PTPRN2: variants seen among roughly 807,000 people sequenced by gnomAD.
The protein encoded by PTPRN2 is receptor-type tyrosine-protein phosphatase N2.
In PTPRN2, 74 loss-of-function variants were observed where a neutral mutation model predicts 118.8. The observed-to-expected ratio is 0.62, with a 90% CI of 0.52 to 0.76. PTPRN2 has a LOEUF of 0.76. Among genes scored for constraint, PTPRN2 ranks in the 30% least tolerant of loss-of-function variants. The probability of loss-of-function intolerance (pLI) is 0.00; values close to 1 mark genes in which losing one functional copy is unlikely to be tolerated. For synonymous variants in PTPRN2, 641 were observed against 608.0 expected (o/e 1.05, Z -0.80); for missense variants, 1,481 against 1,394.4 (o/e 1.06, Z -0.99).
chr7:157,750,124 A>G (rs546938476), intron 12 of PTPRN2, among the ~76,000 whole-genome samples: 71 of 152,142 alleles, frequency 4.7e-4, no homozygotes, highest in Admixed American at 2.8e-3. Context: ...GGCCTGCAAC[A>G]TAGCACGTGG....
chr7:158,001,574 C>T (rs1047260217), intron 11 of PTPRN2, among the ~76,000 whole-genome samples: 1 of 152,018 alleles, frequency 6.6e-6, no homozygotes, highest in Non-Finnish European at 1.5e-5. Flanking sequence ...GGGAGGGCGG[C>T]ACTTCAGCCT....
chr7:158,126,994 A>G (rs1414529336), intron 9 of PTPRN2, among the ~76,000 whole-genome samples: 3 of 152,222 alleles, frequency 2.0e-5, no homozygotes, highest in East Asian at 3.9e-4. Flanking sequence ...ACCATCTGCC[A>G]TTTTGCTGCT....
At chr7:157,549,507 C>T (rs1277273862) in intron 21 of PTPRN2, among the ~76,000 whole-genome samples, 1 of 152,034 alleles carries the variant, frequency 6.6e-6, no homozygotes, top group African/African-American at 2.4e-5. Flanking sequence ...TTTTTAAACT[C>T]AAATGTTCCA....
At chr7:158,449,772 C>T (rs913020450) in intron 2 of PTPRN2, among the ~76,000 whole-genome samples, 7 of 152,202 alleles carry the variant, frequency 4.6e-5, no homozygotes, top group Admixed American at 3.3e-4. Context: ...CACTGGTGAC[C>T]CTTAGTTCAT....
At chr7:157,847,922 G>A (rs1378680001) in intron 12 of PTPRN2, among the ~76,000 whole-genome samples, 1 of 149,626 alleles carries the variant, frequency 6.7e-6, no homozygotes, top group African/African-American at 2.5e-5. Flanking sequence ...TACATCATGT[G>A]TGCCCGATGT....
chr7:157,879,588 A>T (rs567813760), intron 12 of PTPRN2, among the ~76,000 whole-genome samples: 2 of 150,480 alleles, frequency 1.3e-5, no homozygotes, highest in South Asian at 2.1e-4. Flanking sequence ...ATGAAATCAT[A>T]TTTTTTTTTT....
intron 5 of PTPRN2, among the ~76,000 whole-genome samples, chr7:158,188,189 T>TGGGGAAGGCCGCCACGCTCGCCCCCTGTA (rs1563576366): frequency 4.8e-5 from 3 of 62,296 alleles, no homozygotes; most frequent in Admixed American, 3.6e-4. Flanking sequence ...CGCCCCGCGA[T>TGGGGAAGGCCGCCACGCTCGCCCCCTGTA]GGGGAAGGCC....
chr7:157,561,797 TA>T (rs1799204806), intron 21 of PTPRN2, among the ~76,000 whole-genome samples: 1 of 152,238 alleles, frequency 6.6e-6, no homozygotes. Context: ...ACAGACTCCT[TA>T]CCTGTCTCTC....
intron 11 of PTPRN2, among the ~76,000 whole-genome samples, chr7:157,966,342 CCAT>C (rs758542725): frequency 1.6e-4 from 25 of 152,072 alleles, no homozygotes; most frequent in Middle Eastern, 3.4e-3. Flanking sequence ...TTCACCACCA[CCAT>C]CATTTTCATT....
chr7:157,959,159 A>G (rs1025192296), intron 11 of PTPRN2, among the ~76,000 whole-genome samples: 5 of 152,240 alleles, frequency 3.3e-5, no homozygotes, highest in African/African-American at 1.2e-4. Flanking sequence ...AATGGTTCTC[A>G]GACAACTTGC....
In PTPRN2 at chr7:157,845,100, C is replaced by T. The variant is rs1246515269; in HGVS notation, c.1788+53573G>A. Among the ~76,000 whole-genome samples the T allele has an allele frequency of 2.6e-5, 4 of 152,124 alleles. No individual in the cohort carries two copies. The highest frequency in any genetic ancestry group is 1.9e-4 in the East Asian group (1 of 5,190). ...AGAGGTGAGCACAAGGTCACAGGGA[C>T]GCAGCCCTGACCTCACGTTGGTCCA... is the stretch of plus-strand genomic sequence containing the variant. On this transcript the variant is annotated intron_variant, in intron 12 of 22. Coordinates refer to ENST00000389418, the MANE Select transcript of PTPRN2 (RefSeq NM_002847.5). This position sits in a 1 kb window ranked among gnomAD's most constrained non-coding sequence, Gnocchi z 4.5.
At chr7:157,592,815 G>A (rs1801067180) in intron 17 of PTPRN2, among the ~76,000 whole-genome samples, 1 of 149,502 alleles carries the variant, frequency 6.7e-6, no homozygotes, top group Non-Finnish European at 1.5e-5. Context: ...TGGATGCCGA[G>A]AGCCTTCACA....
At chr7:157,829,005 T>G (rs76845458) in intron 12 of PTPRN2, among the ~76,000 whole-genome samples, 4,829 of 152,380 alleles carry the variant, frequency 0.032, 208 homozygotes, top group South Asian at 0.12. Flanking sequence ...ATCCCCATCT[T>G]AAAACCAAAC....
chr7:158,100,272 TG>T (rs1815126311), intron 10 of PTPRN2, among the ~76,000 whole-genome samples: 1 of 150,516 alleles, frequency 6.6e-6, no homozygotes, highest in Non-Finnish European at 1.5e-5. Context: ...TGTGTGTGTG[TG>T]TGTGTGCCAC....
In PTPRN2 at chr7:157,922,720, T is replaced by C. The variant is rs113679331; in HGVS notation, c.1724-23983A>G. On this transcript the variant is annotated intron_variant, in intron 11 of 22. Coordinates refer to ENST00000389418, the MANE Select transcript of PTPRN2 (RefSeq NM_002847.5). The stretch of plus-strand genomic sequence containing the variant: ...TCACCAGCGGCAATCGTCTTTATTA[T>C]TCATTAGCAAGCTCGATGTCACGGC... Among the ~76,000 whole-genome samples the C allele has an allele frequency of 9.5e-3, 1,451 of 152,312 alleles. 12 individuals carry two copies. The highest frequency in any genetic ancestry group is 0.016 in the Non-Finnish European group (1,077 of 68,030).
Position 157,801,892 on chromosome 7 carries a change from A to G in PTPRN2, c.1788+96781T>C, listed in dbSNP as rs528671795. ...AAACAACACAGATTTATTCTCTCAC[A>G]GGAGGCCACGGTCCAGATGGGTTTC... On this transcript the variant is annotated intron_variant, in intron 12 of 22. Transcript: ENST00000389418. This position sits in a 1 kb window ranked among gnomAD's most constrained non-coding sequence, Gnocchi z 4.2. Among the ~76,000 whole-genome samples, 34 of 152,274 alleles carry G rather than the reference A, an allele frequency of 2.2e-4. 1 individual carries two copies. In the South Asian group the frequency reaches 6.2e-3, roughly 28 times the overall value.
At chr7:157,541,824 G>A (rs1798027340) in intron 22 of PTPRN2, among the ~76,000 whole-genome samples, 1 of 152,222 alleles carries the variant, frequency 6.6e-6, no homozygotes, top group African/African-American at 2.4e-5. Context: ...AGCTTGAACC[G>A]AGACATCAGA....
chr7:157,931,154 C>T (rs559069062), intron 11 of PTPRN2, among the ~76,000 whole-genome samples: 13 of 152,306 alleles, frequency 8.5e-5, no homozygotes, highest in South Asian at 2.1e-4. Context: ...AGGGCACCCA[C>T]GCACGGATAG....
intron 4 of PTPRN2, among the ~76,000 whole-genome samples, chr7:158,198,540 C>A (rs1352836482): frequency 6.6e-6 from 1 of 152,238 alleles, no homozygotes; most frequent in Non-Finnish European, 1.5e-5. Context: ...TCATGGCCAC[C>A]TGAAGTTCTC....
Sources: gnomAD v4.1 joint callset for allele counts (sites outside exome capture counted in the v4.1 genomes callset) on GRCh38, gnomAD v4.1.1 for gene constraint, Gnocchi (gnomAD v3.1) non-coding constraint, MANE v1.5 for transcripts, NCBI Gene and HGNC (gene_info 2026-07-23, HGNC 2026-07-21) for gene names.